PNPLA2: variants seen among roughly 807,000 people sequenced by gnomAD.
PNPLA2 encodes the protein patatin-like phospholipase domain-containing protein 2.
Under a neutral mutation model 39.7 loss-of-function variants are expected in PNPLA2, and 28 were observed. The ratio of observed to expected loss-of-function variants is 0.70; its 90% CI spans 0.52 to 0.97. The LOEUF (loss-of-function observed/expected upper bound fraction) is 0.97. PNPLA2 is among the 50% of genes least tolerant of loss of function. The pLI is 0.00. For synonymous variants in PNPLA2, 392 were observed against 321.1 expected (o/e 1.22, Z -2.36); for missense variants, 768 against 698.2 (o/e 1.10, Z -1.13).
At position 824,080 on chromosome 11, in the gene PNPLA2, G is replaced by C; in HGVS notation, c.1002G>C (p.Met334Ile). Reference sequence around the variant, plus strand: ...TGCCTGTGCGTCTGGCCACGGCCATGATGGTGCCCTACACGCTGCCGCTGG... The same window carrying C: ...TGCCTGTGCGTCTGGCCACGGCCATCATGGTGCCCTACACGCTGCCGCTGG... ...NMLPVRLATA[M>I]MVPYTLPLES... The change falls in exon 8 of 10, where the codon ATG (methionine) becomes ATC (isoleucine). Residue 334 changes from methionine (M) to isoleucine (I), a missense_variant. By Grantham distance (10) the Met-to-Ile change is conservative. Coordinates refer to ENST00000336615, the MANE Select transcript of PNPLA2 (RefSeq NM_020376.4). 6.2e-7 allele frequency: 1 copy of C among 1,607,762 alleles called. No individual in the cohort carries two copies. Among genetic ancestry groups the C allele is most frequent in the Non-Finnish European group, 8.5e-7 (1 of 1,178,232 alleles).
chr11:821,261 T>G, intron 2 of PNPLA2: 1 of 341,016 alleles, frequency 2.9e-6, no homozygotes, highest in South Asian at 2.8e-5. Context: ...CCGGGATGGG[T>G]TTTGTGGGTC....
chr11:823,005 A>G (rs115010101), intron 5 of PNPLA2, among the ~76,000 whole-genome samples: 1,977 of 146,382 alleles, frequency 0.014, 46 homozygotes, highest in African/African-American at 0.048. Context: ...TTGTATTTTT[A>G]GTAAAGAAAT....
rs1257145714 is a variant in PNPLA2, at chr11:822,085, G to A, written c.486+62G>A. 5 of 1,463,386 alleles carry A rather than the reference G, an allele frequency of 3.4e-6. No homozygotes were observed. The East Asian group carries it at 1.1e-4, about 33-fold the overall frequency. The allele number at this position is 1,463,386 out of a possible 1,614,324, so 90.7% of individuals were successfully genotyped here. On this transcript the variant is annotated intron_variant, in intron 4 of 9. Coordinates refer to ENST00000336615, the MANE Select transcript of PNPLA2 (RefSeq NM_020376.4). Reference sequence around the variant, plus strand: ...GGGCCGTGGGATGAGGGACAGAGGAGGAGGCCGCCTAGAGCCATCCTTCAG... The same window carrying A: ...GGGCCGTGGGATGAGGGACAGAGGAAGAGGCCGCCTAGAGCCATCCTTCAG...
rs1460318912 is a variant in PNPLA2 at position 823,752 on chromosome 11, A to G, written c.816A>G (p.Pro272=). The G allele has an allele frequency of 1.1e-6, 1 of 922,474 alleles. No homozygotes were observed. The highest frequency in any genetic ancestry group is 1.9e-5 in the African/African-American group (1 of 52,954). 57.1% of individuals were successfully genotyped at this position (922,474 alleles called of 1,614,324 possible). ...TGCCCCCCGCCCGCCCCCACGGCCCAGAGGACAAGGACCAGGCAGTGGAGA... is the reference window on the plus strand; with the variant it reads ...TGCCCCCCGCCCGCCCCCACGGCCCGGAGGACAAGGACCAGGCAGTGGAGA... The part of the protein sequence containing the change: ...LALPPARPHG[P]EDKDQAVESA... The change falls in exon 7 of 10, where the codon CCA becomes CCG. Residue 272 remains proline, a synonymous_variant. Coordinates refer to ENST00000336615, the MANE Select transcript of PNPLA2 (RefSeq NM_020376.4).
intron 4 of PNPLA2, 168 bp downstream of exon 4, chr11:822,191 C>A: frequency 1.3e-6 from 1 of 768,946 alleles, no homozygotes; most frequent in Non-Finnish European, 2.2e-6. Context: ...CTTCCTGGCC[C>A]CCCATCCCTT....
rs1354419356 is a variant in PNPLA2 at position 823,592 on chromosome 11, G to A, written c.757+5G>A. The A allele has an allele frequency of 1.2e-6, 2 of 1,609,140 alleles. No homozygotes were observed. The highest frequency in any genetic ancestry group is 1.7e-6 in the Non-Finnish European group (2 of 1,178,160). The stretch of plus-strand genomic sequence containing the variant: ...TGCGCTTTCTGCAGCGGAACGGTGC[G>A]CGGACCCGGGCGGGAGAGGGCGGGG... On this transcript the variant is annotated splice_donor_5th_base_variant and intron_variant, in intron 6 of 9. Transcript: ENST00000336615.
Position 824,402 on chromosome 11 carries a change from G to A in PNPLA2, c.1141G>A (p.Ala381Thr), listed in dbSNP as rs760555244. The stretch of plus-strand genomic sequence containing the variant: ...CATCTGCCAGTACCTGGTGATGCGC[G>A]CCAAGAGGAAGCTGGGCAGGCACCT... ...GSICQYLVMR[A>T]KRKLGRHLPS... Residue 381 changes from alanine (A) to threonine (T), a missense_variant, in exon 9 of 10, where the codon GCC (alanine) becomes ACC (threonine). Physicochemically the swap from Ala to Thr is moderately conservative, Grantham distance 58. Coordinates refer to ENST00000336615, the MANE Select transcript of PNPLA2 (RefSeq NM_020376.4). The A allele has an allele frequency of 1.9e-6, 3 of 1,554,386 alleles. No individual in the cohort carries two copies. The highest frequency in any genetic ancestry group is 2.6e-6 in the Non-Finnish European group (3 of 1,149,370).
In PNPLA2 at chr11:823,788, G is replaced by A. The variant is rs968664320; in HGVS notation, c.852G>A (p.Ala284=). 3 of 1,602,318 alleles carry A rather than the reference G, an allele frequency of 1.9e-6. No homozygotes were observed. Among genetic ancestry groups the A allele is most frequent in the Non-Finnish European group, 1.7e-6 (2 of 1,175,290 alleles). ...ACCAGGCAGTGGAGAGCGCCCAAGC[G>A]GAGGATTACTCGCAGCTGCCCGGAG... The part of the protein sequence containing the change: ...DKDQAVESAQ[A]EDYSQLPGED... Residue 284 remains alanine (A), a synonymous_variant, in exon 7 of 10, where the codon GCG becomes GCA. Transcript: ENST00000336615.
chr11:822,137 C>A (rs1004118993), intron 4 of PNPLA2, 114 bp downstream of exon 4: 1 of 971,364 alleles, frequency 1.0e-6, no homozygotes, highest in Non-Finnish European at 1.6e-6. Context: ...CGCCTGTTAC[C>A]CACTTCCCCT....
rs929110782 is a variant in PNPLA2 at position 819,607 on chromosome 11, A to G, written c.-112A>G. 8.5e-6 allele frequency: 11 copies of G among 1,288,864 alleles called. No individual in the cohort carries two copies. Among genetic ancestry groups the G allele is most frequent in the Non-Finnish European group, 1.0e-5 (10 of 1,004,002 alleles). 79.8% of individuals were successfully genotyped at this position (1,288,864 alleles called of 1,614,324 possible). On this transcript the variant is annotated 5_prime_UTR_variant, in exon 2 of 10. Transcript: ENST00000336615. ...CCTCCGCCAGCGGGGACCCCGAGCT[A>G]GAGCCGCAGCGGGACCTGCCCGGCC... is the stretch of plus-strand genomic sequence containing the variant.
chr11:822,193 C>T (rs975137561), intron 4 of PNPLA2, 170 bp downstream of exon 4: 2 of 762,694 alleles, frequency 2.6e-6, no homozygotes, highest in Admixed American at 2.0e-5. Context: ...TCCTGGCCCC[C>T]CATCCCTTCC....
chr11:822,218 C>G, intron 4 of PNPLA2, 179 bp from the exon 5 acceptor site: 1 of 762,380 alleles, frequency 1.3e-6, no homozygotes, highest in Non-Finnish European at 2.3e-6. Context: ...TCCCTGCCCT[C>G]CCCCGTCTAC....
In PNPLA2 at chr11:819,895, G is replaced by C. The variant is rs917822758; in HGVS notation, c.177G>C (p.Gly59=). Residue 59 remains glycine, a synonymous_variant, in exon 2 of 10, where the codon GGG becomes GGC. Coordinates refer to ENST00000336615, the MANE Select transcript of PNPLA2 (RefSeq NM_020376.4). ...GALTATALVT[G]VCLGEAGAKF... is the part of the protein sequence containing the mutation. ...TCACGGCCACGGCGCTGGTCACCGGGGTCTGCCTGGGTGAGCGGGGCCGGG... is the reference window on the plus strand; with the variant it reads ...TCACGGCCACGGCGCTGGTCACCGGCGTCTGCCTGGGTGAGCGGGGCCGGG... 14 of 1,408,946 alleles carry C rather than the reference G, an allele frequency of 9.9e-6. No homozygotes were observed. The highest frequency in any genetic ancestry group is 4.5e-5 in the African/African-American group (3 of 66,588). 87.3% of individuals were successfully genotyped at this position (1,408,946 alleles called of 1,614,324 possible).
rs1340340199 is a variant in PNPLA2, at chr11:824,047, C to T, written c.969C>T (p.Ser323=). The change falls in exon 8 of 10, where the codon TCC becomes TCT. Residue 323 remains serine (S), a synonymous_variant. Coordinates refer to ENST00000336615, the MANE Select transcript of PNPLA2 (RefSeq NM_020376.4). ...CCACGGACCTGCTGACCACCCTCTC[C>T]AACATGCTGCCTGTGCGTCTGGCCA... ...VEPTDLLTTL[S]NMLPVRLATA... The T allele has an allele frequency of 1.2e-6, 2 of 1,610,932 alleles. No homozygotes were observed. The highest frequency in any genetic ancestry group is 1.7e-5 in the Admixed American group (1 of 59,906).
At chr11:822,078 CAG>C in intron 4 of PNPLA2, 55 bp downstream of exon 4, 1 of 1,526,674 alleles carries the variant, frequency 6.6e-7, no homozygotes, top group Non-Finnish European at 9.1e-7. Flanking sequence ...GGATGAGGGA[CAG>C]AGGAGGAGGC....
Position 823,527 on chromosome 11 carries a change from G to T in PNPLA2, c.697G>T (p.Val233Leu), listed in dbSNP as rs142852995. 6.2e-7 allele frequency: 1 copy of T among 1,608,210 alleles called. No individual in the cohort carries two copies. The highest frequency in any genetic ancestry group is 8.5e-7 in the Non-Finnish European group (1 of 1,177,934). Residue 233 changes from valine (V) to leucine (L), a missense_variant and splice_region_variant, in exon 6 of 10, where the codon GTG (valine) becomes TTG (leucine). By Grantham distance (32) the Val-to-Leu change is conservative. Transcript: ENST00000336615. ...SKALFPPEPL[V>L]LREMCKQGYR... ...CTCCATTTAACCCTCCTCACTGCAG[G>T]TGCTGCGAGAGATGTGCAAGCAGGG...
In PNPLA2 at chr11:824,744, AC is replaced by A; in HGVS notation, c.1400del (p.Pro467ArgfsTer22). 6.4e-7 allele frequency: 1 copy of A among 1,574,766 alleles called. No individual in the cohort carries two copies. Among genetic ancestry groups the A allele is most frequent in the Non-Finnish European group, 8.6e-7 (1 of 1,168,174 alleles). ...GCTCTGCGCATGCGCGCACCCGCCG[AC>A]CCGGCTCCCGCCCCCGCGGACCCAG... ...PEALRMRAPA[D>X]PAPAPADPAS... On this transcript the variant is annotated frameshift_variant, in exon 10 of 10. Coordinates refer to ENST00000336615, the MANE Select transcript of PNPLA2 (RefSeq NM_020376.4). LOFTEE classifies it low-confidence loss of function (END_TRUNC).
Position 822,559 on chromosome 11 carries a change from C to G in PNPLA2, c.649C>G (p.Arg217Gly), listed in dbSNP as rs773938209. ...VTNTSIQFNL[R>G]NLYRLSKALF... ...CAACACCAGCATCCAGTTCAACCTG[C>G]GCAACCTCTACCGCCTCTCCAAGGC... Residue 217 changes from arginine to glycine, a missense_variant, in exon 5 of 10, where the codon CGC becomes GGC. Transcript: ENST00000336615. 2.5e-6 allele frequency: 4 copies of G among 1,614,038 alleles called. No individual in the cohort carries two copies. Among genetic ancestry groups the G allele is most frequent in the Non-Finnish European group, 3.4e-6 (4 of 1,180,022 alleles).
rs1261842055 is a variant in PNPLA2, at chr11:821,681, C to T, written c.241C>T (p.Leu81=). The T allele has an allele frequency of 1.2e-6, 2 of 1,613,850 alleles. No individual in the cohort carries two copies. Among genetic ancestry groups the T allele is most frequent in the Admixed American group, 3.3e-5 (2 of 60,014 alleles). Residue 81 remains leucine (L), a synonymous_variant, in exon 3 of 10, where the codon CTG becomes TTG. Transcript: ENST00000336615. ...ATCTAAAGAGGCCCGGAAGCGGTTC[C>T]TGGGCCCCCTGCACCCCTCCTTCAA... ...EVSKEARKRF[L]GPLHPSFNLV...
Sources: allele counts gnomAD v4.1 joint callset (sites outside exome capture counted in the v4.1 genomes callset), GRCh38; gene constraint gnomAD v4.1.1; transcripts MANE v1.5; gene names NCBI Gene and HGNC (gene_info 2026-07-23, HGNC 2026-07-21).